Variants in TNRC6A observed in about 807,000 individuals in gnomAD.
The protein encoded by TNRC6A is trinucleotide repeat containing adaptor 6A, also known as trinucleotide repeat-containing gene 6A protein.
A neutral mutation model predicts 221.2 loss-of-function variants in TNRC6A; 44 were observed. The ratio of observed to expected loss-of-function variants is 0.20; its 90% confidence interval spans 0.16 to 0.26. The LOEUF is 0.26. Ranked by LOEUF, TNRC6A falls within the 10% of genes least tolerant of loss-of-function variation. The probability of loss-of-function intolerance (pLI) is 1.00; values close to 1 mark genes in which losing one functional copy is unlikely to be tolerated. For synonymous variants in TNRC6A, 847 were observed against 838.5 expected (o/e 1.01, Z -0.18); for missense variants, 2,199 against 2,404.4 (o/e 0.91, Z 1.79).
At chr16:24,796,760 C>T (rs2058227736) in intron 9 of TNRC6A, among the ~76,000 whole-genome samples, 1 of 151,588 alleles carries the variant, frequency 6.6e-6, no homozygotes. Flanking sequence ...GTAATGAAGG[C>T]AACAGACTGA....
At chr16:24,820,391 G>T in intron 22 of TNRC6A, 31 bp downstream of exon 22, 1 of 1,604,552 alleles carries the variant, frequency 6.2e-7, no homozygotes, top group South Asian at 1.1e-5. Flanking sequence ...GGGTTTCTGT[G>T]GTTTATTTGC....
chr16:24,750,121 CAG>C (rs1413790786), intron 2 of TNRC6A, among the ~76,000 whole-genome samples: 1 of 152,182 alleles, frequency 6.6e-6, no homozygotes, highest in East Asian at 1.9e-4. Flanking sequence ...GCCTGGGTGA[CAG>C]AGCAAGACTC....
At chr16:24,628,182 G>T (rs183016469) in intron 1 of TNRC6A, among the ~76,000 whole-genome samples, 7 of 151,706 alleles carry the variant, frequency 4.6e-5, no homozygotes, top group African/African-American at 1.7e-4. Flanking sequence ...ACTTTGGGAG[G>T]CCAAGGCGGG....
rs2058110254 is a variant in TNRC6A, at chr16:24,791,894, A to G, written c.3175+77A>G. On this transcript the variant is annotated intron_variant, in intron 6 of 24. Transcript: ENST00000395799. ...AAGATTTGTATAACAAAGTACTTGG[A>G]TATGCACACAAAGGCTGTTCTTACT... 3 of 1,390,608 alleles carry G rather than the reference A, an allele frequency of 2.2e-6. No individual in the cohort carries two copies. In the Admixed American group the frequency reaches 1.0e-4, roughly 46 times the overall value. The allele number at this position is 1,390,608 out of a possible 1,614,324, so 86.1% of individuals were successfully genotyped here.
At chr16:24,627,257 A>C (rs1392612157) in intron 1 of TNRC6A, among the ~76,000 whole-genome samples, 1 of 151,922 alleles carries the variant, frequency 6.6e-6, no homozygotes, top group Non-Finnish European at 1.5e-5. Flanking sequence ...CCTCCCCTAC[A>C]TCAGCCTCGA....
intron 1 of TNRC6A, among the ~76,000 whole-genome samples, chr16:24,634,823 G>C (rs1308021546): frequency 6.6e-6 from 1 of 152,188 alleles, no homozygotes; most frequent in Non-Finnish European, 1.5e-5. Flanking sequence ...GTGGCACCTG[G>C]CCTGTCCATG....
intron 3 of TNRC6A, among the ~76,000 whole-genome samples, chr16:24,753,379 A>AC (rs2057179153): frequency 6.6e-6 from 1 of 152,194 alleles, no homozygotes; most frequent in Non-Finnish European, 1.5e-5. Flanking sequence ...CATAGTATCT[A>AC]CCCACTGAAC....
chr16:24,628,236 T>C (rs1403962879), intron 1 of TNRC6A, among the ~76,000 whole-genome samples: 3 of 151,352 alleles, frequency 2.0e-5, no homozygotes, highest in African/African-American at 7.3e-5. Context: ...CTGACCAACA[T>C]GGTGAAACCC....
At chr16:24,615,079 G>A (rs565608400) in intron 1 of TNRC6A, among the ~76,000 whole-genome samples, 8 of 152,158 alleles carry the variant, frequency 5.3e-5, no homozygotes, top group African/African-American at 1.9e-4. Flanking sequence ...AAATAAATAA[G>A]TAATTTTTAA....
intron 1 of TNRC6A, among the ~76,000 whole-genome samples, chr16:24,636,371 GA>G (rs980455770): frequency 4.9e-5 from 6 of 121,780 alleles, no homozygotes; most frequent in African/African-American, 2.1e-4. Flanking sequence ...AGGACTTTGT[GA>G]TTTTTTTTTT....
chr16:24,801,070 T>C (rs2058322001), intron 11 of TNRC6A, among the ~76,000 whole-genome samples: 1 of 152,252 alleles, frequency 6.6e-6, no homozygotes, highest in African/African-American at 2.4e-5. Flanking sequence ...GCTTGATAGA[T>C]ACTGCGTTTG....
intron 11 of TNRC6A, chr16:24,803,930 A>G (rs1387750052): frequency 1.0e-5 from 4 of 381,148 alleles, no homozygotes; most frequent in Non-Finnish European, 1.8e-5. Flanking sequence ...TGAGGTTATC[A>G]GCCAGCCACC....
At chr16:24,681,284 G>A (rs2055528642) in intron 2 of TNRC6A, among the ~76,000 whole-genome samples, 1 of 152,164 alleles carries the variant, frequency 6.6e-6, no homozygotes, top group Non-Finnish European at 1.5e-5. Flanking sequence ...CTGGAGAGCA[G>A]TGGCGTGATC....
intron 3 of TNRC6A, 67 bp downstream of exon 3, chr16:24,750,880 C>G: frequency 1.5e-6 from 2 of 1,304,718 alleles, no homozygotes; most frequent in South Asian, 2.4e-5. Context: ...ATTACTCTTA[C>G]AGATTTTGAA....
At position 24,825,446 on chromosome 16, in the gene TNRC6A, T is replaced by C. The variant is rs867034602; in HGVS notation, c.*1639T>C. The C allele has an allele frequency of 6.5e-6, 1 of 152,820 alleles. No individual in the cohort carries two copies. Among genetic ancestry groups the C allele is most frequent in the Middle Eastern group, 3.4e-3 (1 of 294 alleles). 9.5% of individuals were successfully genotyped at this position (152,820 alleles called of 1,614,324 possible). On this transcript the variant is annotated 3_prime_UTR_variant, in exon 25 of 25. Transcript: ENST00000395799. Reference sequence around the variant, plus strand: ...CTTCAGATATAATAAACCATGACTTTTTGGCTGCTCAACATTAATTGTCTC... The same window carrying C: ...CTTCAGATATAATAAACCATGACTTCTTGGCTGCTCAACATTAATTGTCTC...
chr16:24,687,396 CGTAAGG>C (rs2142096162), intron 2 of TNRC6A, among the ~76,000 whole-genome samples: 1 of 152,264 alleles, frequency 6.6e-6, no homozygotes, highest in South Asian at 2.1e-4. Flanking sequence ...TATCATGGCA[CGTAAGG>C]TCTTTTACAA....
At chr16:24,795,629 AT>A in intron 8 of TNRC6A, 1 of 373,286 alleles carries the variant, frequency 2.7e-6, no homozygotes, top group East Asian at 4.0e-5. Flanking sequence ...AGGACCTGCC[AT>A]TTTCATTTTT....
intron 2 of TNRC6A, among the ~76,000 whole-genome samples, chr16:24,674,588 G>A (rs1229115077): frequency 6.6e-6 from 1 of 151,868 alleles, no homozygotes; most frequent in Non-Finnish European, 1.5e-5. Context: ...CCGTTGCAAC[G>A]GAGTTCCACA....
chr16:24,717,462 T>G (rs2343354), intron 2 of TNRC6A, among the ~76,000 whole-genome samples: 1 of 152,064 alleles, frequency 6.6e-6, no homozygotes, highest in Non-Finnish European at 1.5e-5. Context: ...CCAATGATTA[T>G]TTTAGCAATG....
Sources: allele counts gnomAD v4.1 joint callset (sites outside exome capture counted in the v4.1 genomes callset), GRCh38; gene constraint gnomAD v4.1.1; transcripts MANE v1.5; gene names NCBI Gene and HGNC (gene_info 2026-07-23, HGNC 2026-07-21).